NOD1: variants seen among roughly 807,000 people sequenced by gnomAD.
The protein encoded by NOD1 is nucleotide-binding oligomerization domain-containing protein 1.
Under a neutral mutation model 81.2 loss-of-function variants are expected in NOD1, and 70 were observed. The ratio of observed to expected loss-of-function variants is 0.86; its 90% CI spans 0.71 to 1.05. NOD1 has a LOEUF of 1.05. NOD1 is among the 50% of genes least tolerant of loss of function. The pLI, the probability that NOD1 is intolerant of heterozygous loss-of-function variation, is 0.00. For synonymous variants in NOD1, 508 were observed against 526.9 expected, an observed-to-expected ratio of 0.96 and a Z score of 0.49; for missense variants, 1,233 against 1,228.0, an observed-to-expected ratio of 1.00 and a Z score of -0.06.
chr7:30,464,554 T>C (rs138167133), intron 1 of NOD1, among the ~76,000 whole-genome samples: 82 of 152,294 alleles, frequency 5.4e-4, no homozygotes, highest in African/African-American at 1.9e-3. Flanking sequence ...CAGGACAACA[T>C]AAGGGTGAAA....
In NOD1 at chr7:30,446,093, C is replaced by A. The variant is rs919548407; in HGVS notation, c.2453+48G>T. 7.5e-5 allele frequency: 100 copies of A among 1,325,418 alleles called. 1 individual carries two copies. In the South Asian group the frequency reaches 1.2e-3, roughly 15 times the overall value. The allele number at this position is 1,325,418 out of a possible 1,614,324, so 82.1% of individuals were successfully genotyped here. On this transcript the variant is annotated intron_variant, in intron 9 of 13. Coordinates refer to ENST00000222823, the MANE Select transcript of NOD1 (RefSeq NM_006092.4). Reference sequence around the variant, plus strand: ...GAAAAGAACAGCAAGGCCCGCCCCCCACACACACAGCAGGTTGTACCACAT... The same window carrying A: ...GAAAAGAACAGCAAGGCCCGCCCCCAACACACACAGCAGGTTGTACCACAT...
At chr7:30,448,754 CAG>C (rs761082140) in intron 6 of NOD1, among the ~76,000 whole-genome samples, 34 of 152,200 alleles carry the variant, frequency 2.2e-4, no homozygotes, top group Non-Finnish European at 4.3e-4. Context: ...TTGGAAATGT[CAG>C]GGGCTGCTTT....
At chr7:30,431,135 G>T (rs1294606094) in intron 12 of NOD1, among the ~76,000 whole-genome samples, 1 of 152,218 alleles carries the variant, frequency 6.6e-6, no homozygotes, top group Non-Finnish European at 1.5e-5. Flanking sequence ...GCCAGTGCAG[G>T]TTGGGAATGC....
chr7:30,468,940 G>T, intron 1 of NOD1: 6 of 985,446 alleles, frequency 6.1e-6, no homozygotes, highest in Non-Finnish European at 7.2e-6. Context: ...CACTCTGCAA[G>T]TTACCCAACA....
chr7:30,445,876 C>T (rs987859565), intron 9 of NOD1, among the ~76,000 whole-genome samples: 1 of 151,560 alleles, frequency 6.6e-6, no homozygotes, highest in African/African-American at 2.4e-5. Flanking sequence ...CTGTATGATT[C>T]CACTTACATG....
chr7:30,465,147 C>G (rs1787550593), intron 1 of NOD1, among the ~76,000 whole-genome samples: 1 of 152,156 alleles, frequency 6.6e-6, no homozygotes, highest in Non-Finnish European at 1.5e-5. Flanking sequence ...GGGCTCCAGC[C>G]AGCATGATCA....
intron 5 of NOD1, 21 bp from the exon 6 acceptor site, chr7:30,453,061 G>A (rs767190112): frequency 1.3e-6 from 2 of 1,586,848 alleles, no homozygotes; most frequent in Non-Finnish European, 1.7e-6. Flanking sequence ...GGGGTGGCAG[G>A]GCACAGCAGC....
intron 3 of NOD1, among the ~76,000 whole-genome samples, chr7:30,458,050 A>G (rs1353531286): frequency 1.3e-5 from 2 of 152,110 alleles, no homozygotes; most frequent in African/African-American, 2.4e-5. Flanking sequence ...CAAGAGAGGT[A>G]TCTCTCTGGA....
In NOD1 at chr7:30,456,818, C is replaced by G; in HGVS notation, c.104G>C (p.Arg35Pro). The G allele has an allele frequency of 6.2e-7, 1 of 1,614,124 alleles. No individual in the cohort carries two copies. Among genetic ancestry groups the G allele is most frequent in the South Asian group, 1.1e-5 (1 of 91,076 alleles). Reference protein sequence around the residue: ...SNRELLVTHIRNTQCLVDNLL... With the variant: ...SNRELLVTHIPNTQCLVDNLL... ...GTTGTCCACCAGACACTGAGTATTG[C>G]GGATGTGAGTGACCAGAAGTTCCCG... Residue 35 changes from arginine (R) to proline (P), a missense_variant, in exon 4 of 14, where the codon CGC becomes CCC. Physicochemically the swap from Arg to Pro is moderately radical, Grantham distance 103 (BLOSUM62 -2). Coordinates refer to ENST00000222823, the MANE Select transcript of NOD1 (RefSeq NM_006092.4).
rs376107371 is a variant in NOD1, at chr7:30,456,733, G to T, written c.189C>A (p.Thr63=). 2.5e-6 allele frequency: 4 copies of T among 1,613,930 alleles called. No homozygotes were observed. Among genetic ancestry groups the T allele is most frequent in the Non-Finnish European group, 2.5e-6 (3 of 1,180,008 alleles). ...GTCCCCGGGGCACCTTGTCAGGCTG[G>T]GTGGGGCAGGCACACACAATCTCCG... ...EDAEIVCACP[T]QPDKVRKILD... is the part of the protein sequence containing the mutation. The change falls in exon 4 of 14, where the codon ACC becomes ACA. Residue 63 remains threonine (T), a synonymous_variant. Transcript: ENST00000222823.
intron 3 of NOD1, 55 bp from the exon 4 acceptor site, chr7:30,457,097 C>T (rs1042071659): frequency 3.3e-6 from 2 of 606,558 alleles, no homozygotes; most frequent in Admixed American, 2.7e-5. Flanking sequence ...AGAGCTCACC[C>T]CACCTCCCAC....
chr7:30,463,519 C>T (rs958502577), intron 1 of NOD1: 3 of 152,450 alleles, frequency 2.0e-5, no homozygotes, highest in Non-Finnish European at 2.9e-5. Flanking sequence ...AATGATTGAC[C>T]TAGAAAGGAG....
At chr7:30,429,572 C>T in intron 12 of NOD1, 115 bp from the exon 13 acceptor site, 1 of 816,836 alleles carries the variant, frequency 1.2e-6, no homozygotes, top group Non-Finnish European at 2.1e-6. Context: ...AGGGGAAGAA[C>T]TGAGTCCATG....
intron 1 of NOD1, chr7:30,464,172 C>T (rs1787444079): frequency 6.6e-6 from 1 of 152,238 alleles, no homozygotes; most frequent in Non-Finnish European, 1.5e-5. Context: ...TTCCACGTGC[C>T]AAAGGGAGGC....
Position 30,455,591 on chromosome 7 carries a change from T to C in NOD1, c.202-280A>G, listed in dbSNP as rs1385501116. ...AAATAGCCATGGACTTCTCTACCTC[T>C]TTTTTTTTTTTTTCTTTTTTGAGAC... On this transcript the variant is annotated intron_variant, in intron 4 of 13. Transcript: ENST00000222823. Among the ~76,000 whole-genome samples the C allele has an allele frequency of 5.0e-5, 3 of 60,238 alleles. No individual in the cohort carries two copies. In the East Asian group the frequency reaches 1.5e-3, roughly 30 times the overall value. The allele number at this position is 60,238 out of a possible 152,430, so 39.5% of individuals were successfully genotyped here.
At chr7:30,433,553 A>G in intron 11 of NOD1, 1 of 254,780 alleles carries the variant, frequency 3.9e-6, no homozygotes, top group Non-Finnish European at 7.6e-6. Context: ...CACCACTGAC[A>G]GTGTGTTATC....
At chr7:30,474,624 G>A (rs984371851) in intron 1 of NOD1, among the ~76,000 whole-genome samples, 1 of 152,224 alleles carries the variant, frequency 6.6e-6, no homozygotes, top group East Asian at 1.9e-4. Flanking sequence ...TGATGCCACC[G>A]CTGATCTGAC....
chr7:30,456,680 G>A (rs1303924058), intron 4 of NOD1, 41 bp downstream of exon 4: 3 of 1,560,346 alleles, frequency 1.9e-6, no homozygotes, highest in South Asian at 2.2e-5. Context: ...CTAGCTCCCG[G>A]GGTCCACACA....
intron 1 of NOD1, among the ~76,000 whole-genome samples, chr7:30,476,234 C>A (rs191929759): frequency 1.3e-5 from 2 of 152,308 alleles, no homozygotes; most frequent in African/African-American, 2.4e-5. Context: ...CTTTGATAGT[C>A]TTGTGTAAGC....
Sources: gnomAD v4.1 joint callset for allele counts (sites outside exome capture counted in the v4.1 genomes callset) on GRCh38, gnomAD v4.1.1 for gene constraint, MANE v1.5 for transcripts, NCBI Gene and HGNC (gene_info 2026-07-23, HGNC 2026-07-21) for gene names.